NAV2: variants seen among roughly 807,000 people sequenced by gnomAD.
The protein encoded by NAV2 is helicase, APC down-regulated 1.
NAV2 carries 54 observed loss-of-function variants against 223.2 expected under a neutral mutation model. The observed-to-expected ratio is 0.24, with a 90% CI of 0.19 to 0.30. The LOEUF (loss-of-function observed/expected upper bound fraction) is 0.30, where lower values mean the gene tolerates loss of function less well. Ranked by LOEUF, NAV2 falls within the 10% of genes least tolerant of loss-of-function variation. The probability of loss-of-function intolerance (pLI) is 1.00; values close to 1 mark genes in which losing one functional copy is unlikely to be tolerated. For synonymous variants in NAV2, 1,279 were observed against 1,239.3 expected (o/e 1.03, Z -0.67); for missense variants, 2,806 against 3,147.5 (o/e 0.89, Z 2.60).
At chr11:19,845,920 A>G (rs1033779257) in intron 3 of NAV2, among the ~76,000 whole-genome samples, 2 of 152,226 alleles carry the variant, frequency 1.3e-5, no homozygotes, top group African/African-American at 4.8e-5. Flanking sequence ...GCCAAGCTGA[A>G]TACACAGGTG....
chr11:20,114,088 A>G (rs1009474653), intron 36 of NAV2, among the ~76,000 whole-genome samples: 3 of 152,176 alleles, frequency 2.0e-5, no homozygotes, highest in African/African-American at 7.2e-5. Context: ...AACCCAAGGT[A>G]TGTAGGCAGT....
At chr11:19,599,416 T>C (rs2135226483) in intron 1 of NAV2, among the ~76,000 whole-genome samples, 1 of 152,318 alleles carries the variant, frequency 6.6e-6, no homozygotes. Context: ...GGCTACTCTG[T>C]GTTTGGAGGT....
rs556243307 is a variant in NAV2 at position 19,374,342 on chromosome 11, C to T, written c.75+23315C>T. On this transcript the variant is annotated intron_variant, in intron 1 of 37. Coordinates refer to the NAV2 transcript ENST00000360655. ...TTTTTTTTTTTTTTTTTAAAATCAG[C>T]TATTAAATGACTCACCATGTAACTG... is the stretch of plus-strand genomic sequence containing the variant. Among the ~76,000 whole-genome samples the T allele has an allele frequency of 3.9e-3, 494 of 125,786 alleles. 5 individuals are homozygous for T. The highest frequency in any genetic ancestry group is 0.015 in the African/African-American group (470 of 31,946). The allele number at this position is 125,786 out of a possible 152,430, so 82.5% of individuals were successfully genotyped here.
chr11:19,961,385 G>T (rs1038891181), intron 10 of NAV2, among the ~76,000 whole-genome samples: 12 of 152,196 alleles, frequency 7.9e-5, no homozygotes, highest in Non-Finnish European at 1.8e-4. Flanking sequence ...AGTTCGAGTT[G>T]AGGTGAATAT....
chr11:19,792,088 T>C (rs1422445624), intron 1 of NAV2, among the ~76,000 whole-genome samples: 1 of 152,218 alleles, frequency 6.6e-6, no homozygotes, highest in Admixed American at 6.5e-5. Context: ...TATACCGTTA[T>C]ATACATGCAT....
chr11:19,573,334 A>G (rs1210094656), intron 1 of NAV2, among the ~76,000 whole-genome samples: 1 of 151,894 alleles, frequency 6.6e-6, no homozygotes, highest in African/African-American at 2.4e-5. Context: ...ACATACTATC[A>G]TATTTGTTTT....
At chr11:19,497,517 TTG>T (rs2042834825) in intron 1 of NAV2, among the ~76,000 whole-genome samples, 1 of 152,178 alleles carries the variant, frequency 6.6e-6, no homozygotes, top group African/African-American at 2.4e-5. Context: ...TTGCTATTCC[TTG>T]GCTTTTCATG....
At chr11:19,352,567 A>G (rs1853386212) in intron 1 of NAV2, among the ~76,000 whole-genome samples, 1 of 152,190 alleles carries the variant, frequency 6.6e-6, no homozygotes, top group Admixed American at 6.5e-5. Context: ...CTGGGGTAAC[A>G]TCAATTGGTC....
At chr11:19,758,035 C>G (rs987634123) in intron 1 of NAV2, among the ~76,000 whole-genome samples, 4 of 152,152 alleles carry the variant, frequency 2.6e-5, no homozygotes, top group African/African-American at 9.7e-5. Context: ...CTCTAATCCT[C>G]ACAGCAGCAT....
intron 1 of NAV2, among the ~76,000 whole-genome samples, chr11:19,624,546 C>A (rs1296663690): frequency 2.6e-5 from 4 of 152,194 alleles, no homozygotes; most frequent in Admixed American, 2.0e-4. Flanking sequence ...GCATGGGACC[C>A]TCTGAGCCAG....
intron 1 of NAV2, among the ~76,000 whole-genome samples, chr11:19,554,179 C>T (rs1392995270): frequency 6.6e-6 from 1 of 152,176 alleles, no homozygotes; most frequent in Non-Finnish European, 1.5e-5. Flanking sequence ...ATGACATCTA[C>T]GTGCAGGCAT....
intron 26 of NAV2, among the ~76,000 whole-genome samples, chr11:20,083,762 C>T (rs1199880290): frequency 6.6e-6 from 1 of 152,148 alleles, no homozygotes; most frequent in East Asian, 1.9e-4. Context: ...TCAGTTTCCT[C>T]ACTAGTAAAA....
intron 10 of NAV2, among the ~76,000 whole-genome samples, chr11:19,955,666 A>G (rs1260843527): frequency 6.6e-6 from 1 of 152,216 alleles, no homozygotes; most frequent in East Asian, 1.9e-4. Flanking sequence ...TCTTTCACTG[A>G]ACATTATGGG....
intron 2 of NAV2, among the ~76,000 whole-genome samples, chr11:19,841,122 G>C (rs960173709): frequency 6.6e-6 from 1 of 152,148 alleles, no homozygotes; most frequent in Non-Finnish European, 1.5e-5. Flanking sequence ...AATGCAATTA[G>C]ATCTCTGAAG....
At chr11:19,863,708 C>G (rs1160095054) in intron 3 of NAV2, among the ~76,000 whole-genome samples, 2 of 152,216 alleles carry the variant, frequency 1.3e-5, no homozygotes, top group East Asian at 3.9e-4. Context: ...GTTCCCAACA[C>G]TCTTCTCTTT....
intron 11 of NAV2, among the ~76,000 whole-genome samples, chr11:20,005,612 A>AT (rs1469570584): frequency 6.6e-6 from 1 of 151,730 alleles, no homozygotes; most frequent in African/African-American, 2.4e-5. Flanking sequence ...AATAAGACAG[A>AT]TTTTCAATAA....
chr11:19,744,207 G>A (rs1718963247), intron 1 of NAV2, among the ~76,000 whole-genome samples: 3 of 152,204 alleles, frequency 2.0e-5, no homozygotes. Context: ...TTGCCTTTGT[G>A]TAGTTTAAGA....
intron 11 of NAV2, among the ~76,000 whole-genome samples, chr11:19,989,596 G>A (rs562195008): frequency 2.0e-5 from 3 of 152,240 alleles, no homozygotes; most frequent in South Asian, 2.1e-4. Context: ...AATAGAAAAC[G>A]AATATAAACT....
rs569293187 is a variant in NAV2 at position 19,877,281 on chromosome 11, T to C, written c.512-2588T>C. 2.0e-5 allele frequency among the ~76,000 whole-genome samples: 3 copies of C among 152,148 alleles called. No individual in the cohort carries two copies. In the South Asian group the frequency reaches 6.2e-4, roughly 32 times the overall value. On this transcript the variant is annotated intron_variant, in intron 4 of 37. Transcript: ENST00000349880. ...GATACACACTGGTTAATAATAGCTC[T>C]TATTGTTATAAACTATATGACTTGA... is the stretch of plus-strand genomic sequence containing the variant.
Sources: allele counts gnomAD v4.1 joint callset (sites outside exome capture counted in the v4.1 genomes callset), GRCh38; gene constraint gnomAD v4.1.1; transcripts MANE v1.5; gene names NCBI Gene and HGNC (gene_info 2026-07-23, HGNC 2026-07-21).